The following MPDZ variants were observed in gnomAD, a reference collection of about 807,000 sequenced individuals.
The protein encoded by MPDZ is multiple PDZ domain protein.
A neutral mutation model predicts 239.1 loss-of-function variants in MPDZ; 234 were observed. That is an observed-to-expected ratio of 0.98 (90% CI 0.88 to 1.09). The LOEUF is 1.09. MPDZ is among the 50% of genes least tolerant of loss of function. The pLI, the probability that MPDZ is intolerant of heterozygous loss-of-function variation, is 0.00. For synonymous variants in MPDZ, 1,048 were observed against 881.3 expected, an observed-to-expected ratio of 1.19 and a Z score of -3.35; for missense variants, 3,175 against 2,510.0, an observed-to-expected ratio of 1.26 and a Z score of -5.66.
Position 13,107,001 on chromosome 9 carries a change from C to T in MPDZ, c.6177G>A (p.Arg2059=), listed in dbSNP as rs770296552. 1 of 1,613,632 alleles carries T rather than the reference C, an allele frequency of 6.2e-7. No individual in the cohort carries two copies. The highest frequency in any genetic ancestry group is 8.5e-7 in the Non-Finnish European group (1 of 1,179,630). Residue 2059 remains arginine (R), a synonymous_variant, in exon 47 of 47, where the codon CGG becomes CGA. Transcript: ENST00000319217. ...THEEAVAILK[R]TKGTVTLMVL... ...CCATCAAAGTGACAGTGCCTTTTGT[C>T]CGTTTAAGGATGGCAACAGCTTCTT...
At chr9:13,262,165 C>T (rs2138783567) in intron 1 of MPDZ, among the ~76,000 whole-genome samples, 1 of 151,820 alleles carries the variant, frequency 6.6e-6, no homozygotes, top group Admixed American at 6.6e-5. Flanking sequence ...TATTTCTGAC[C>T]AAAAATCTGC....
At chr9:13,236,587 G>C (rs1226322585) in intron 3 of MPDZ, among the ~76,000 whole-genome samples, 1 of 151,442 alleles carries the variant, frequency 6.6e-6, no homozygotes, top group African/African-American at 2.4e-5. Context: ...AGCCCTCCAT[G>C]TGTATTTTAT....
rs991086260 is a variant in MPDZ, at chr9:13,247,616, T to G, written c.183+19A>C. On this transcript the variant is annotated intron_variant, in intron 3 of 46. Transcript: ENST00000319217. ...CTATGCCATGTCGTGAATGCCTGCTTGGGTGAATGATGTCCTACCTGGTCT... is the reference window on the plus strand; with the variant it reads ...CTATGCCATGTCGTGAATGCCTGCTGGGGTGAATGATGTCCTACCTGGTCT... 6.3e-7 allele frequency: 1 copy of G among 1,598,542 alleles called. No homozygotes were observed. Among genetic ancestry groups the G allele is most frequent in the African/African-American group, 1.3e-5 (1 of 74,864 alleles).
At chr9:13,248,831 G>C (rs890064219) in intron 2 of MPDZ, among the ~76,000 whole-genome samples, 2 of 150,406 alleles carry the variant, frequency 1.3e-5, no homozygotes, top group Non-Finnish European at 3.0e-5. Context: ...AAATCAGATG[G>C]GTGTAGTGGC....
chr9:13,229,577 TACACACACAC>T lies in MPDZ; in HGVS notation c.184-5004_184-4995del, dbSNP rs139327129. ...GATTTTTCATGCCACACACCACACTTACACACACACACACACACACACACACACCCCCATC... is the reference window on the plus strand; with the variant it reads ...GATTTTTCATGCCACACACCACACTTACACACACACACACACACCCCCATC... On this transcript the variant is annotated intron_variant, in intron 3 of 46. Transcript: ENST00000319217. Among the ~76,000 whole-genome samples the T allele has an allele frequency of 4.4e-5, 6 of 136,140 alleles. No homozygotes were observed. In the South Asian group the frequency reaches 9.3e-4, roughly 21 times the overall value. 89.3% of individuals were successfully genotyped at this position (136,140 alleles called of 152,430 possible). A position where few individuals can be genotyped will look rare whatever the true frequency, so the allele number is the denominator to read the frequency against.
chr9:13,242,274 G>A (rs1965607574), intron 3 of MPDZ, among the ~76,000 whole-genome samples: 1 of 133,732 alleles, frequency 7.5e-6, no homozygotes, highest in African/African-American at 2.9e-5. Context: ...TGCCCAGGCT[G>A]GAGTGCAGTG....
intron 22 of MPDZ, chr9:13,165,225 CAAAG>C (rs1950930337): frequency 1.1e-5 from 9 of 813,994 alleles, no homozygotes; most frequent in Non-Finnish European, 1.5e-5. Context: ...CTTACTTAAA[CAAAG>C]AAAACAATCT....
intron 23 of MPDZ, among the ~76,000 whole-genome samples, chr9:13,159,861 G>C: frequency 6.6e-6 from 1 of 152,056 alleles, no homozygotes; most frequent in East Asian, 1.9e-4. Flanking sequence ...TTAGTGTGTG[G>C]TTTCAGGGAC....
At chr9:13,168,218 T>C (rs1951321420) in intron 22 of MPDZ, 148 bp downstream of exon 22, 1 of 740,912 alleles carries the variant, frequency 1.3e-6, no homozygotes, top group Non-Finnish European at 2.2e-6. Flanking sequence ...CGAGAACTAC[T>C]CAAAAATAGT....
rs753401485 is a variant in MPDZ, at chr9:13,114,037, AATT to A, written c.5467-19_5467-17del. ...CTTCACTCACCTACAAATATACAAC[AATT>A]ATTTCAGAAGGTTTTGCAAGTAACA... On this transcript the variant is annotated splice_polypyrimidine_tract_variant and intron_variant, in intron 40 of 46. Coordinates refer to ENST00000319217, the MANE Select transcript of MPDZ (RefSeq NM_001378778.1). 68 of 1,567,102 alleles carry A rather than the reference AATT, an allele frequency of 4.3e-5. 3 individuals carry two copies. In the South Asian group the frequency reaches 7.6e-4, roughly 18 times the overall value.
intron 26 of MPDZ, among the ~76,000 whole-genome samples, chr9:13,145,426 C>T (rs1427589773): frequency 6.6e-6 from 1 of 151,872 alleles, no homozygotes; most frequent in Non-Finnish European, 1.5e-5. Flanking sequence ...TCTTGAAGAG[C>T]CTAAGGGCCA....
chr9:13,256,403 A>C (rs1322055772), intron 1 of MPDZ, among the ~76,000 whole-genome samples: 1 of 152,220 alleles, frequency 6.6e-6, no homozygotes, highest in Non-Finnish European at 1.5e-5. Flanking sequence ...TGTTTGGCAC[A>C]ACACACTTAG....
chr9:13,113,429 A>G (rs895138244), intron 41 of MPDZ, among the ~76,000 whole-genome samples: 6 of 152,234 alleles, frequency 3.9e-5, no homozygotes, highest in African/African-American at 1.4e-4. Flanking sequence ...TTTCTAGAAT[A>G]TTAGTCATAC....
intron 39 of MPDZ, among the ~76,000 whole-genome samples, chr9:13,115,940 G>A (rs1254497661): frequency 1.8e-5 from 2 of 113,150 alleles, no homozygotes; most frequent in Admixed American, 2.4e-4. Flanking sequence ...CGAGACTTGA[G>A]ACTCCACCTC....
chr9:13,215,753 G>GTT (rs56281339), intron 10 of MPDZ, among the ~76,000 whole-genome samples: 47,352 of 88,982 alleles, frequency 0.53, 15,444 homozygotes, highest in Non-Finnish European at 0.68. Context: ...TCTATTGCAG[G>GTT]TTTTTTTTTT....
intron 14 of MPDZ, 135 bp downstream of exon 14, chr9:13,193,032 G>T: frequency 1.2e-6 from 1 of 807,898 alleles, no homozygotes; most frequent in Non-Finnish European, 1.7e-6. Flanking sequence ...GCTTTGGGTT[G>T]TTTTTATCTG....
intron 27 of MPDZ, among the ~76,000 whole-genome samples, chr9:13,140,495 C>A (rs1279015277): frequency 6.8e-6 from 1 of 147,148 alleles, no homozygotes. Context: ...CCATATATAT[C>A]TATGTATATA....
intron 36 of MPDZ, among the ~76,000 whole-genome samples, 192 bp downstream of exon 36, chr9:13,122,961 A>G (rs897408139): frequency 3.9e-5 from 6 of 152,232 alleles, no homozygotes; most frequent in African/African-American, 7.2e-5. Flanking sequence ...CTGAGTCAAT[A>G]TTTATTGGCT....
chr9:13,143,630 G>T, intron 26 of MPDZ, 66 bp from the exon 27 acceptor site: 4 of 1,259,120 alleles, frequency 3.2e-6, no homozygotes, highest in Non-Finnish European at 4.7e-6. Context: ...AGTTTTAAAA[G>T]CAAAGTACAT....
Sources: allele counts gnomAD v4.1 joint callset (sites outside exome capture counted in the v4.1 genomes callset), GRCh38; gene constraint gnomAD v4.1.1; transcripts MANE v1.5; gene names NCBI Gene and HGNC (gene_info 2026-07-23, HGNC 2026-07-21).